Variants in LPP observed in about 807,000 individuals in gnomAD.
LPP encodes lipoma-preferred partner.
LPP carries 38 observed loss-of-function variants against 60.4 expected under a neutral mutation model. That is an observed-to-expected ratio of 0.63 (90% CI 0.49 to 0.83). The LOEUF (loss-of-function observed/expected upper bound fraction) is 0.83, where lower values mean the gene tolerates loss of function less well. Among genes scored for constraint, LPP ranks in the 40% least tolerant of loss-of-function variants. The pLI, the probability that LPP is intolerant of heterozygous loss-of-function variation, is 0.00. For synonymous variants in LPP, 328 were observed against 290.8 expected, an observed-to-expected ratio of 1.13 and a Z score of -1.30; for missense variants, 902 against 783.6, an observed-to-expected ratio of 1.15 and a Z score of -1.80.
chr3:188,545,627 T>C (rs1485006816), intron 6 of LPP, among the ~76,000 whole-genome samples: 1 of 152,080 alleles, frequency 6.6e-6, no homozygotes, highest in Admixed American at 6.6e-5. Context: ...GGCAGTTTGG[T>C]GTTAGAAGTG....
intron 7 of LPP, among the ~76,000 whole-genome samples, chr3:188,701,840 C>T (rs1201484785): frequency 6.6e-6 from 1 of 151,310 alleles, no homozygotes; most frequent in Admixed American, 6.6e-5. Flanking sequence ...CATAAAAACT[C>T]AGCTCCCATT....
intron 2 of LPP, among the ~76,000 whole-genome samples, chr3:188,286,934 C>T (rs1744121444): frequency 6.6e-6 from 1 of 152,090 alleles, no homozygotes; most frequent in South Asian, 2.1e-4. Context: ...GGATTTCTCT[C>T]TTGTTGCCCA....
At chr3:188,167,781 C>G (rs1246035026) in intron 1 of LPP, among the ~76,000 whole-genome samples, 2 of 152,150 alleles carry the variant, frequency 1.3e-5, no homozygotes, top group Non-Finnish European at 2.9e-5. Flanking sequence ...CTTTTCAGAT[C>G]AGTTGCCAGT....
At position 188,882,830 on chromosome 3, in the gene LPP, T is replaced by C. The variant is rs1444821183; in HGVS notation, c.*8351T>C. 5.5e-6 allele frequency: 1 copy of C among 181,470 alleles called. No individual in the cohort carries two copies. The highest frequency in any genetic ancestry group is 1.2e-5 in the Non-Finnish European group (1 of 85,124). The allele number at this position is 181,470 out of a possible 1,614,324, so 11.2% of individuals were successfully genotyped here. On this transcript the variant is annotated 3_prime_UTR_variant, in exon 12 of 12. Coordinates refer to ENST00000617246, the MANE Select transcript of LPP (RefSeq NM_001375462.1). ...CTCGGCTCACTGCAAGCTCCGCTTC[T>C]CGGGTTCACGCCATTCTCCTGCCTC...
chr3:188,688,965 A>C, intron 7 of LPP: 1 of 488,844 alleles, frequency 2.0e-6, no homozygotes, highest in South Asian at 1.5e-5. Context: ...AACTGCTCTG[A>C]AAATCAGAGC....
intron 2 of LPP, among the ~76,000 whole-genome samples, chr3:188,313,124 A>G (rs1275137127): frequency 4.0e-5 from 5 of 124,564 alleles, no homozygotes; most frequent in African/African-American, 1.2e-4. Flanking sequence ...CCCAGAACTT[A>G]AAATATTAAA....
chr3:188,791,933 G>T (rs1054473663), intron 9 of LPP, among the ~76,000 whole-genome samples: 2 of 152,176 alleles, frequency 1.3e-5, no homozygotes, highest in Non-Finnish European at 2.9e-5. Context: ...TAAGTTCCCT[G>T]CCATTACCTG....
rs140136470 is a variant in LPP at position 188,287,181 on chromosome 3, G to A, written c.-66-54482G>A. Among the ~76,000 whole-genome samples the A allele has an allele frequency of 1.5e-3, 233 of 152,368 alleles. 1 individual carries two copies. Among genetic ancestry groups the A allele is most frequent in the Admixed American group, 1.4e-3 (22 of 15,308 alleles). On this transcript the variant is annotated intron_variant, in intron 2 of 11. Transcript: ENST00000617246. ...TTCCCGAAGTGCTGGGATTACAGGC[G>A]TGAGCCACTGCGCCTGGCCAAAGCA...
chr3:188,275,665 A>G (rs1739378276), intron 2 of LPP, among the ~76,000 whole-genome samples: 1 of 147,396 alleles, frequency 6.8e-6, no homozygotes, highest in Non-Finnish European at 1.5e-5. Context: ...TTTATTGAGC[A>G]CCTGCTGTAT....
chr3:188,480,792 T>C (rs1344327022), intron 4 of LPP, among the ~76,000 whole-genome samples: 1 of 152,132 alleles, frequency 6.6e-6, no homozygotes, highest in African/African-American at 2.4e-5. Context: ...GGGCATGCAC[T>C]AATATGAAGG....
intron 8 of LPP, chr3:188,743,920 G>T (rs1165670785): frequency 2.6e-5 from 4 of 152,052 alleles, no homozygotes; most frequent in African/African-American, 9.7e-5. Context: ...AGTCTGGTTT[G>T]GCATGCGTCT....
At chr3:188,334,215 G>A (rs911870849) in intron 2 of LPP, among the ~76,000 whole-genome samples, 1 of 152,048 alleles carries the variant, frequency 6.6e-6, no homozygotes, top group Non-Finnish European at 1.5e-5. Context: ...TTTTTTTATG[G>A]CTGAATAGTA....
At chr3:188,754,913 T>C (rs920973139) in intron 8 of LPP, among the ~76,000 whole-genome samples, 3 of 152,304 alleles carry the variant, frequency 2.0e-5, no homozygotes, top group East Asian at 1.9e-4. Flanking sequence ...TGGAAGATAA[T>C]TTTTAAATCA....
rs571372221 is a variant in LPP at position 188,572,552 on chromosome 3, G to C, written c.430-36609G>C. ...ACCAAAAGTCTAGAGAACCTGATTT[G>C]TAACTGTATCATTATGACTTACTGA... On this transcript the variant is annotated intron_variant, in intron 6 of 11. Coordinates refer to ENST00000617246, the MANE Select transcript of LPP (RefSeq NM_001375462.1). This position sits in a 1 kb window ranked among gnomAD's most constrained non-coding sequence, Gnocchi z 4.1. 6.6e-6 allele frequency among the ~76,000 whole-genome samples: 1 copy of C among 152,164 alleles called. No individual in the cohort carries two copies. The highest frequency in any genetic ancestry group is 1.9e-4 in the East Asian group (1 of 5,154).
intron 5 of LPP, among the ~76,000 whole-genome samples, chr3:188,520,128 T>A (rs547918272): frequency 2.0e-5 from 3 of 152,232 alleles, no homozygotes; most frequent in Non-Finnish European, 4.4e-5. Context: ...TCATAATAAG[T>A]CCCAACTGTG....
At chr3:188,422,606 G>T (rs1788090282) in intron 4 of LPP, among the ~76,000 whole-genome samples, 3 of 152,148 alleles carry the variant, frequency 2.0e-5, no homozygotes, top group Admixed American at 1.3e-4. Flanking sequence ...TTTACAAAAA[G>T]AATAGAAAAA....
rs567061940 is a variant in LPP, at chr3:188,191,978, G to A, written c.-189-33427G>A. Reference sequence around the variant, plus strand: ...CTTGAGGAGGTTTGAGGGTTCCTAGGGGGGGATTGGGAAAATTGGGATGGT... The same window carrying A: ...CTTGAGGAGGTTTGAGGGTTCCTAGAGGGGGATTGGGAAAATTGGGATGGT... On this transcript the variant is annotated intron_variant, in intron 1 of 11. Transcript: ENST00000617246. Among the ~76,000 whole-genome samples, 241 of 152,220 alleles carry A rather than the reference G, an allele frequency of 1.6e-3. 1 individual carries two copies. The highest frequency in any genetic ancestry group is 5.4e-3 in the African/African-American group (226 of 41,544).
intron 8 of LPP, among the ~76,000 whole-genome samples, chr3:188,726,198 G>A (rs1718336229): frequency 6.6e-6 from 1 of 152,106 alleles, no homozygotes. Context: ...ATCAGTCTGG[G>A]TGTCATTTGT....
At chr3:188,681,893 C>T (rs897635281) in intron 7 of LPP, among the ~76,000 whole-genome samples, 2 of 152,208 alleles carry the variant, frequency 1.3e-5, no homozygotes, top group East Asian at 1.9e-4. Flanking sequence ...GCAGCCCCAA[C>T]ACTGACAAAT....
Sources: allele counts gnomAD v4.1 joint callset (sites outside exome capture counted in the v4.1 genomes callset), GRCh38; gene constraint gnomAD v4.1.1; non-coding constraint Gnocchi (gnomAD v3.1); transcripts MANE v1.5; gene names NCBI Gene and HGNC (gene_info 2026-07-23, HGNC 2026-07-21).